Variants in CDC42SE2 observed in about 807,000 individuals in gnomAD.
CDC42SE2 encodes the protein CDC42 small effector 2.
A neutral mutation model predicts 11.5 loss-of-function variants in CDC42SE2; 3 were observed. That is an observed-to-expected ratio of 0.26 (90% CI 0.12 to 0.67). CDC42SE2 has a LOEUF of 0.67. Ranked by LOEUF, CDC42SE2 falls within the 30% of genes least tolerant of loss-of-function variation. The pLI is 0.80. For missense variants in CDC42SE2, 82 were observed against 106.8 expected (o/e 0.77, Z 1.02); for synonymous variants, 33 against 34.8 (o/e 0.95, Z 0.18).
intron 1 of CDC42SE2, among the ~76,000 whole-genome samples, chr5:131,279,184 C>A (rs748631494): frequency 1.3e-5 from 2 of 152,118 alleles, no homozygotes; most frequent in Non-Finnish European, 2.9e-5. Flanking sequence ...AGTGCTTTTA[C>A]CTTCTTTTTC....
intron 1 of CDC42SE2, among the ~76,000 whole-genome samples, chr5:131,297,455 C>T (rs898294218): frequency 3.3e-5 from 5 of 152,116 alleles, no homozygotes; most frequent in African/African-American, 1.2e-4. Context: ...TGCGGTGGCT[C>T]ACCCCTGTAA....
intron 2 of CDC42SE2, among the ~76,000 whole-genome samples, chr5:131,353,095 A>G (rs140958908): frequency 9.2e-4 from 140 of 152,128 alleles, no homozygotes; most frequent in African/African-American, 2.5e-3. Flanking sequence ...CCTTCCAAGT[A>G]GCTGATACCA....
At chr5:131,334,818 T>A (rs1207133683) in intron 2 of CDC42SE2, among the ~76,000 whole-genome samples, 1 of 152,208 alleles carries the variant, frequency 6.6e-6, no homozygotes, top group African/African-American at 2.4e-5. Flanking sequence ...GATATCCCCT[T>A]TATCATTTTT....
At chr5:131,232,023 C>T in the CDC42SE2 span, among the ~76,000 whole-genome samples, 1 of 152,148 alleles carries the variant, frequency 6.6e-6, no homozygotes, top group African/African-American at 2.4e-5. Context: ...CTCCTGACTT[C>T]AAGTGATCCA....
At chr5:131,273,838 C>T (rs369219067) in intron 1 of CDC42SE2, among the ~76,000 whole-genome samples, 6 of 151,468 alleles carry the variant, frequency 4.0e-5, no homozygotes, top group Non-Finnish European at 5.9e-5. Context: ...AGTACAGTGG[C>T]GTGATCTTAG....
At chr5:131,282,590 G>C in intron 1 of CDC42SE2, among the ~76,000 whole-genome samples, 1 of 151,584 alleles carries the variant, frequency 6.6e-6, no homozygotes, top group East Asian at 1.9e-4. Context: ...CTTCCTTAAT[G>C]ACACCCTAAT....
intron 1 of CDC42SE2, among the ~76,000 whole-genome samples, chr5:131,310,866 C>T (rs1392307639): frequency 1.3e-5 from 2 of 152,002 alleles, no homozygotes; most frequent in Non-Finnish European, 2.9e-5. Flanking sequence ...TTCCTGAATA[C>T]AGCACACTGA....
chr5:131,251,114 A>G (rs1756635503), intron 1 of CDC42SE2, among the ~76,000 whole-genome samples: 1 of 152,232 alleles, frequency 6.6e-6, no homozygotes, highest in South Asian at 2.1e-4. Flanking sequence ...ATATAAAAAC[A>G]AAGCTAAGAA....
At chr5:131,303,152 G>A (rs1158180687) in intron 1 of CDC42SE2, among the ~76,000 whole-genome samples, 1 of 152,144 alleles carries the variant, frequency 6.6e-6, no homozygotes, top group Non-Finnish European at 1.5e-5. Context: ...ATTTATTGCA[G>A]TGCTAATAGA....
intron 2 of CDC42SE2, among the ~76,000 whole-genome samples, chr5:131,338,345 C>T (rs1054933958): frequency 7.9e-5 from 12 of 152,242 alleles, no homozygotes; most frequent in Admixed American, 5.2e-4. Context: ...GTCTACATGG[C>T]GGTCCCAACT....
intron 3 of CDC42SE2, among the ~76,000 whole-genome samples, chr5:131,381,990 A>C (rs1295268725): frequency 6.6e-6 from 1 of 152,182 alleles, no homozygotes; most frequent in Non-Finnish European, 1.5e-5. Flanking sequence ...GAGTTCCCTC[A>C]GCCTTGGGGA....
At chr5:131,263,760 C>T (rs1366628732), upstream of CDC42SE2, 13 of 152,376 alleles carry the variant, frequency 8.5e-5, no homozygotes, top group East Asian at 2.5e-3. Flanking sequence ...GGTTTGGTCG[C>T]CATCTTTCGG....
chr5:131,383,932 T>C (rs924768418), intron 3 of CDC42SE2, among the ~76,000 whole-genome samples: 16 of 152,192 alleles, frequency 1.1e-4, no homozygotes, highest in African/African-American at 3.9e-4. Context: ...GATGAAAATA[T>C]AAGAAACTTG....
At chr5:131,329,444 T>C (rs760940760) in intron 2 of CDC42SE2, among the ~76,000 whole-genome samples, 9 of 152,198 alleles carry the variant, frequency 5.9e-5, no homozygotes, top group Non-Finnish European at 1.3e-4. Flanking sequence ...TGACAGTTGT[T>C]CCTCTTGGTA....
intron 4 of CDC42SE2, among the ~76,000 whole-genome samples, chr5:131,390,189 A>ATCTG (rs1227474290): frequency 6.6e-6 from 1 of 152,190 alleles, no homozygotes; most frequent in East Asian, 1.9e-4. Flanking sequence ...CTGGGACTAT[A>ATCTG]TCTGTCTTTG....
At chr5:131,276,007 A>T (rs1468328) in intron 1 of CDC42SE2, among the ~76,000 whole-genome samples, 87,552 of 151,974 alleles carry the variant, frequency 0.58, 29,296 homozygotes, top group Non-Finnish European at 0.77. Context: ...GCTTGTACAT[A>T]CTAAAACTGC....
intron 1 of CDC42SE2, among the ~76,000 whole-genome samples, chr5:131,291,785 C>A (rs986350112): frequency 6.6e-6 from 1 of 152,076 alleles, no homozygotes; most frequent in African/African-American, 2.4e-5. Context: ...AAACACCACC[C>A]GGGACTCATC....
At chr5:131,310,369 A>G (rs921410116) in intron 1 of CDC42SE2, among the ~76,000 whole-genome samples, 2 of 151,430 alleles carry the variant, frequency 1.3e-5, no homozygotes, top group Admixed American at 6.6e-5. Flanking sequence ...ACTTCCTAGT[A>G]TGTGGTCCAT....
At chr5:131,373,541 A>C (rs1750069252) in intron 3 of CDC42SE2, among the ~76,000 whole-genome samples, 1 of 152,240 alleles carries the variant, frequency 6.6e-6, no homozygotes, top group African/African-American at 2.4e-5. Context: ...TTCCCCAAGC[A>C]AAAAGTGAGC....
Sources: allele counts gnomAD v4.1 joint callset (sites outside exome capture counted in the v4.1 genomes callset), GRCh38; gene constraint gnomAD v4.1.1; transcripts MANE v1.5; gene names NCBI Gene and HGNC (gene_info 2026-07-23, HGNC 2026-07-21).